The following NBEA variants were observed in gnomAD, a reference collection of about 807,000 sequenced individuals.
The protein encoded by NBEA is lysosomal-trafficking regulator 2.
Under a neutral mutation model 343.4 loss-of-function variants are expected in NBEA, and 44 were observed. The observed-to-expected ratio is 0.13, with a 90% CI of 0.10 to 0.16. NBEA has a LOEUF of 0.16. Among genes scored for constraint, NBEA ranks in the 10% least tolerant of loss-of-function variants. NBEA has a pLI of 1.00. For missense variants in NBEA, 2,555 were observed against 3,631.3 expected, an observed-to-expected ratio of 0.70 and a Z score of 7.62; for synonymous variants, 1,175 against 1,238.7, an observed-to-expected ratio of 0.95 and a Z score of 1.08.
In NBEA at chr13:35,232,582, A is replaced by G; in HGVS notation, c.5739A>G (p.Thr1913=). The part of the protein sequence containing the change: ...FVDFAPFLSR[T]LLGSHGQELL... ...ACTTTGCCCCATTCCTATCTCGTAC[A>G]CTTCTTGGCAGTCATGGACAAGAGC... Residue 1913 remains threonine (T), a synonymous_variant, in exon 34 of 59, where the codon ACA becomes ACG. Coordinates refer to ENST00000379939, the MANE Select transcript of NBEA (RefSeq NM_001385012.1). 6.4e-7 allele frequency: 1 copy of G among 1,553,362 alleles called. No individual in the cohort carries two copies. The highest frequency in any genetic ancestry group is 1.2e-5 in the South Asian group (1 of 83,142).
intron 21 of NBEA, 75 bp from the exon 22 acceptor site, chr13:35,158,941 T>C (rs981385200): frequency 9.4e-6 from 12 of 1,274,822 alleles, no homozygotes; most frequent in African/African-American, 1.5e-5. Flanking sequence ...ATTTCCACAA[T>C]TTAATTTGTA....
intron 46 of NBEA, among the ~76,000 whole-genome samples, chr13:35,587,650 C>G (rs371866982): frequency 7.2e-5 from 11 of 152,186 alleles, no homozygotes; most frequent in African/African-American, 2.7e-4. Context: ...TCAAGTTAGT[C>G]TGAAGCCAGA....
chr13:35,561,988 C>T (rs745381676), intron 44 of NBEA, among the ~76,000 whole-genome samples: 13 of 151,988 alleles, frequency 8.6e-5, no homozygotes, highest in Non-Finnish European at 1.5e-4. Flanking sequence ...TTAAACCACT[C>T]AAAAGTCTAA....
At chr13:35,523,163 A>G (rs2077801344) in intron 41 of NBEA, among the ~76,000 whole-genome samples, 1 of 152,200 alleles carries the variant, frequency 6.6e-6, no homozygotes, top group South Asian at 2.1e-4. Flanking sequence ...CCCATTATAT[A>G]CAAAATACTG....
chr13:34,965,023 A>T (rs2059776130), intron 1 of NBEA, among the ~76,000 whole-genome samples: 1 of 152,048 alleles, frequency 6.6e-6, no homozygotes, highest in African/African-American at 2.4e-5. Context: ...AGACTTGGTG[A>T]TACATATTAT....
At chr13:35,186,639 C>CCTTAG (rs2071724362) in intron 30 of NBEA, 1 of 152,090 alleles carries the variant, frequency 6.6e-6, no homozygotes, top group African/African-American at 2.4e-5. Context: ...TGCCAGTTCA[C>CCTTAG]CTTAGATTAG....
intron 45 of NBEA, among the ~76,000 whole-genome samples, chr13:35,568,880 A>T (rs748340062): frequency 2.0e-5 from 3 of 152,314 alleles, no homozygotes; most frequent in Non-Finnish European, 2.9e-5. Context: ...CTGCAGCTAG[A>T]CTGCCTACAT....
intron 41 of NBEA, among the ~76,000 whole-genome samples, chr13:35,538,416 C>G (rs1157119708): frequency 6.6e-6 from 1 of 152,186 alleles, no homozygotes; most frequent in African/African-American, 2.4e-5. Context: ...ATTCTTCACA[C>G]TGAATTTATA....
intron 10 of NBEA, among the ~76,000 whole-genome samples, chr13:35,072,235 T>C (rs2063904123): frequency 6.6e-6 from 1 of 152,116 alleles, no homozygotes; most frequent in East Asian, 1.9e-4. Context: ...CATGTATTAA[T>C]TTAAATATTT....
At chr13:35,025,939 G>C (rs1310453008) in intron 1 of NBEA, among the ~76,000 whole-genome samples, 1 of 151,952 alleles carries the variant, frequency 6.6e-6, no homozygotes, top group African/African-American at 2.4e-5. Context: ...CCTATTCTAA[G>C]TGAACAAATT....
At chr13:35,349,653 T>G (rs931173319) in intron 37 of NBEA, among the ~76,000 whole-genome samples, 1 of 152,266 alleles carries the variant, frequency 6.6e-6, no homozygotes, top group African/African-American at 2.4e-5. Context: ...TTTCAGTTTA[T>G]TCCATTTACA....
intron 41 of NBEA, among the ~76,000 whole-genome samples, chr13:35,523,580 G>C (rs1461595789): frequency 6.6e-6 from 1 of 152,112 alleles, no homozygotes; most frequent in Non-Finnish European, 1.5e-5. Flanking sequence ...CTCAGGAGGA[G>C]GAAGCTGCCC....
At chr13:35,001,011 AG>A (rs1460991822) in intron 1 of NBEA, among the ~76,000 whole-genome samples, 2 of 151,778 alleles carry the variant, frequency 1.3e-5, no homozygotes, top group African/African-American at 2.4e-5. Flanking sequence ...TATGTTTCTG[AG>A]GTTGAACTTG....
rs35174924 is a variant in NBEA at position 35,594,992 on chromosome 13, A to ACACACAC, written c.7296+1545_7296+1546insCACACAC. Among the ~76,000 whole-genome samples, 817 of 130,658 alleles carry ACACACAC rather than the reference A, an allele frequency of 6.3e-3. 4 individuals are homozygous for ACACACAC. Among genetic ancestry groups the ACACACAC allele is most frequent in the South Asian group, 7.6e-3 (31 of 4,070 alleles). The allele number at this position is 130,658 out of a possible 152,430, so 85.7% of individuals were successfully genotyped here. A position where few individuals can be genotyped will look rare whatever the true frequency, so the allele number is the denominator to read the frequency against. On this transcript the variant is annotated intron_variant, in intron 47 of 58. Coordinates refer to ENST00000379939, the MANE Select transcript of NBEA (RefSeq NM_001385012.1). The stretch of plus-strand genomic sequence containing the variant: ...ACACACACACACACACACACACACA[A>ACACACAC]ATTGGCTTTTCAACTTAATTCAGAG...
At chr13:35,208,083 G>C (rs140347991) in intron 31 of NBEA, among the ~76,000 whole-genome samples, 201 of 152,156 alleles carry the variant, frequency 1.3e-3, no homozygotes, top group African/African-American at 4.7e-3. Context: ...ACCTGAGTGT[G>C]GTGGCACGTA....
At chr13:35,481,340 C>A (rs2076113799) in intron 41 of NBEA, among the ~76,000 whole-genome samples, 1 of 151,672 alleles carries the variant, frequency 6.6e-6, no homozygotes, top group Non-Finnish European at 1.5e-5. Flanking sequence ...CAAAACTTTT[C>A]TTTTGGTAGA....
At chr13:35,387,952 A>G (rs2042321896) in intron 38 of NBEA, among the ~76,000 whole-genome samples, 1 of 152,180 alleles carries the variant, frequency 6.6e-6, no homozygotes, top group Non-Finnish European at 1.5e-5. Context: ...TTACTGAACT[A>G]ATCATCCTCT....
chr13:35,147,679 T>C (rs984896418), intron 18 of NBEA, among the ~76,000 whole-genome samples: 2 of 152,126 alleles, frequency 1.3e-5, no homozygotes, highest in Non-Finnish European at 2.9e-5. Context: ...GAGGGAAGGC[T>C]CTGGATTAGT....
chr13:34,973,960 A>G (rs1354591112), intron 1 of NBEA, among the ~76,000 whole-genome samples: 1 of 151,788 alleles, frequency 6.6e-6, no homozygotes, highest in Non-Finnish European at 1.5e-5. Context: ...CTCTGCTGAG[A>G]CTCCACACAG....
Sources: allele counts gnomAD v4.1 joint callset (sites outside exome capture counted in the v4.1 genomes callset), GRCh38; gene constraint gnomAD v4.1.1; transcripts MANE v1.5; gene names NCBI Gene and HGNC (gene_info 2026-07-23, HGNC 2026-07-21).